ESRRG: variants seen among roughly 807,000 people sequenced by gnomAD.
ESRRG encodes estrogen-related receptor gamma.
A neutral mutation model predicts 44.0 loss-of-function variants in ESRRG; 13 were observed. The observed-to-expected ratio is 0.30, with a 90% CI of 0.19 to 0.47. The LOEUF is 0.47. Among genes scored for constraint, ESRRG ranks in the 20% least tolerant of loss-of-function variants. The pLI, the probability that ESRRG is intolerant of heterozygous loss-of-function variation, is 1.00. For synonymous variants in ESRRG, 215 were observed against 214.6 expected (o/e 1.00, Z -0.02); for missense variants, 395 against 580.6 (o/e 0.68, Z 3.29).
intron 1 of ESRRG, among the ~76,000 whole-genome samples, chr1:216,947,603 A>G (rs902967265): frequency 3.3e-5 from 5 of 152,224 alleles, no homozygotes; most frequent in Non-Finnish European, 7.3e-5. Context: ...CTGGCAAACA[A>G]TACAAATCAG....
At chr1:216,902,256 A>T (rs183406280) in intron 2 of ESRRG, among the ~76,000 whole-genome samples, 88 of 152,302 alleles carry the variant, frequency 5.8e-4, no homozygotes, top group African/African-American at 2.0e-3. Flanking sequence ...TGGGACGCTG[A>T]GGCGGGCAGA....
chr1:216,942,622 G>T (rs1421194468), intron 1 of ESRRG, among the ~76,000 whole-genome samples: 2 of 152,032 alleles, frequency 1.3e-5, no homozygotes, highest in Non-Finnish European at 2.9e-5. Flanking sequence ...GTGTAGGATG[G>T]TATCTCACTG....
intron 2 of ESRRG, among the ~76,000 whole-genome samples, chr1:216,772,662 A>G (rs1304673719): frequency 1.3e-5 from 2 of 152,114 alleles, no homozygotes. Flanking sequence ...AGAGAGAGTT[A>G]ATCTTAGAAA....
chr1:216,579,291 T>C (rs1484358049), intron 3 of ESRRG, among the ~76,000 whole-genome samples: 8 of 152,164 alleles, frequency 5.3e-5, no homozygotes, highest in Non-Finnish European at 1.2e-4. Context: ...GGTCTTAATA[T>C]GGATCCACTC....
At chr1:217,032,910 T>G (rs1426398823) in intron 1 of ESRRG, among the ~76,000 whole-genome samples, 1 of 152,196 alleles carries the variant, frequency 6.6e-6, no homozygotes, top group Non-Finnish European at 1.5e-5. Flanking sequence ...GCTGCTCACA[T>G]GTAAAAGTAA....
intron 1 of ESRRG, among the ~76,000 whole-genome samples, chr1:217,056,699 A>T (rs1017180136): frequency 6.6e-6 from 1 of 150,716 alleles, no homozygotes; most frequent in Non-Finnish European, 1.5e-5. Flanking sequence ...CAATCCTTTG[A>T]CTACTACACA....
At chr1:216,673,481 T>C (rs1447492632) in intron 2 of ESRRG, among the ~76,000 whole-genome samples, 1 of 152,212 alleles carries the variant, frequency 6.6e-6, no homozygotes, top group East Asian at 1.9e-4. Flanking sequence ...ATCTGGACAG[T>C]GACATCTCTG....
intron 2 of ESRRG, among the ~76,000 whole-genome samples, chr1:216,841,707 G>A (rs1400749056): frequency 6.6e-6 from 1 of 152,114 alleles, no homozygotes; most frequent in African/African-American, 2.4e-5. Context: ...AGGGCCAGAT[G>A]TAGCCTGTAG....
At chr1:217,068,864 C>T (rs2090158575) in intron 1 of ESRRG, among the ~76,000 whole-genome samples, 1 of 152,188 alleles carries the variant, frequency 6.6e-6, no homozygotes, top group Non-Finnish European at 1.5e-5. Flanking sequence ...ACTCCAATCC[C>T]TAACTTTAAT....
chr1:216,803,803 C>T (rs918231160), intron 2 of ESRRG, among the ~76,000 whole-genome samples: 1 of 151,956 alleles, frequency 6.6e-6, no homozygotes, highest in African/African-American at 2.4e-5. Context: ...CCTTGTTTTT[C>T]TCCCCAGTAA....
At chr1:216,771,236 G>A (rs2152393167) in intron 2 of ESRRG, among the ~76,000 whole-genome samples, 1 of 152,166 alleles carries the variant, frequency 6.6e-6, no homozygotes, top group African/African-American at 2.4e-5. Flanking sequence ...AGAAGAAAAT[G>A]ATACTTGCTT....
chr1:217,075,355 G>A (rs907089749), intron 1 of ESRRG, among the ~76,000 whole-genome samples: 3 of 152,120 alleles, frequency 2.0e-5, no homozygotes, highest in Non-Finnish European at 4.4e-5. Context: ...GGTCAGGTAG[G>A]TGAAGTCACT....
At position 216,826,188 on chromosome 1, in the gene ESRRG, CAA is replaced by C. The variant is rs200086765; in HGVS notation, c.-14+113392_-14+113393del. ...ATGAACCAAGCAAATTGTTTAAGGA[CAA>C]AAAAAAAAAAAAACACACACACACA... On this transcript the variant is annotated intron_variant, in intron 2 of 7. Coordinates refer to the ESRRG transcript ENST00000359162. 2.7e-3 allele frequency among the ~76,000 whole-genome samples: 391 copies of C among 142,938 alleles called. 1 individual carries two copies. Among genetic ancestry groups the C allele is most frequent in the African/African-American group, 7.6e-3 (302 of 39,796 alleles). 93.8% of individuals were successfully genotyped at this position (142,938 alleles called of 152,430 possible). A position where few individuals can be genotyped will look rare whatever the true frequency, so the allele number is the denominator to read the frequency against.
chr1:216,703,509 C>G (rs78222253), intron 1 of ESRRG, among the ~76,000 whole-genome samples: 3 of 151,750 alleles, frequency 2.0e-5, no homozygotes, highest in African/African-American at 7.3e-5. Flanking sequence ...GAGAAGTAGC[C>G]TGATTTTCAG....
rs1429474166 is a variant in ESRRG, at chr1:216,503,801, G to T, written c.*3138C>A. On this transcript the variant is annotated 3_prime_UTR_variant, in exon 7 of 7. Coordinates refer to ENST00000408911, the MANE Select transcript of ESRRG (RefSeq NM_001438.4). ...ATTGAAACACAAGTGTAACTACAAGGAGTCACACAATCATATTGCTTTAAA... is the reference window on the plus strand; with the variant it reads ...ATTGAAACACAAGTGTAACTACAAGTAGTCACACAATCATATTGCTTTAAA... 3.3e-5 allele frequency: 5 copies of T among 152,342 alleles called. No homozygotes were observed. Among genetic ancestry groups the T allele is most frequent in the Admixed American group, 6.6e-5 (1 of 15,252 alleles). The allele number at this position is 152,342 out of a possible 1,614,324, so 9.4% of individuals were successfully genotyped here. A position where few individuals can be genotyped will look rare whatever the true frequency, so the allele number is the denominator to read the frequency against.
intron 2 of ESRRG, among the ~76,000 whole-genome samples, chr1:216,875,459 G>T (rs2096335101): frequency 6.6e-6 from 1 of 151,958 alleles, no homozygotes; most frequent in Non-Finnish European, 1.5e-5. Context: ...TAATATCTCA[G>T]ATTATTTTTA....
chr1:216,911,587 T>C (rs984646398), intron 2 of ESRRG, among the ~76,000 whole-genome samples: 1 of 152,116 alleles, frequency 6.6e-6, no homozygotes, highest in African/African-American at 2.4e-5. Flanking sequence ...ATTGTAAACT[T>C]TGGATTTGGG....
chr1:216,563,551 C>T (rs2059160147), intron 5 of ESRRG, among the ~76,000 whole-genome samples: 1 of 151,916 alleles, frequency 6.6e-6, no homozygotes, highest in Non-Finnish European at 1.5e-5. Flanking sequence ...AATTCAACTC[C>T]AAACAAATAA....
intron 5 of ESRRG, among the ~76,000 whole-genome samples, chr1:216,523,227 T>C (rs1437820805): frequency 3.3e-5 from 5 of 152,136 alleles, no homozygotes; most frequent in Non-Finnish European, 7.4e-5. Context: ...CCATTTAATG[T>C]ATCTCAGGCA....
Sources: gnomAD v4.1 joint callset for allele counts (sites outside exome capture counted in the v4.1 genomes callset) on GRCh38, gnomAD v4.1.1 for gene constraint, MANE v1.5 for transcripts, NCBI Gene and HGNC (gene_info 2026-07-23, HGNC 2026-07-21) for gene names.